Variants in MLIP observed in about 807,000 individuals in gnomAD.
MLIP encodes the protein muscular LMNA interacting protein, also known as muscular LMNA-interacting protein.
MLIP carries 79 observed loss-of-function variants against 84.8 expected under a neutral mutation model. The observed-to-expected ratio is 0.93, with a 90% CI of 0.78 to 1.12. The LOEUF (loss-of-function observed/expected upper bound fraction) is 1.12. Among genes scored for constraint, MLIP ranks in the 50% most tolerant of loss-of-function variants. MLIP has a pLI of 0.00. For missense variants in MLIP, 1,257 were observed against 1,160.6 expected, an observed-to-expected ratio of 1.08 and a Z score of -1.21; for synonymous variants, 504 against 463.0, an observed-to-expected ratio of 1.09 and a Z score of -1.14.
chr6:54,020,616 C>A (rs556942503), intron 1 of MLIP, among the ~76,000 whole-genome samples: 4 of 152,198 alleles, frequency 2.6e-5, no homozygotes, highest in African/African-American at 9.6e-5. Context: ...TCTTCTTATT[C>A]GAAGTGATTC....
intron 11 of MLIP, among the ~76,000 whole-genome samples, chr6:54,221,746 C>A (rs1412567428): frequency 1.3e-5 from 2 of 151,874 alleles, no homozygotes; most frequent in Non-Finnish European, 2.9e-5. Context: ...AGTAGATCAT[C>A]TCGAGTAAAT....
chr6:54,136,712 T>C lies in MLIP; in HGVS notation c.646-3T>C, dbSNP rs1333896642. ...TCAATCTGTCTATTTCTCTTTCCTCTAGTTAACTTCTTCTCCCACTACCTC... is the reference window on the plus strand; with the variant it reads ...TCAATCTGTCTATTTCTCTTTCCTCCAGTTAACTTCTTCTCCCACTACCTC... On this transcript the variant is annotated splice_polypyrimidine_tract_variant and splice_region_variant and intron_variant, in intron 3 of 13. Coordinates refer to ENST00000502396, the MANE Select transcript of MLIP (RefSeq NM_001281747.2). 1 of 1,468,254 alleles carries C rather than the reference T, an allele frequency of 6.8e-7. No homozygotes were observed. Among genetic ancestry groups the C allele is most frequent in the Non-Finnish European group, 9.0e-7 (1 of 1,109,242 alleles). 91.0% of individuals were successfully genotyped at this position (1,468,254 alleles called of 1,614,324 possible).
intron 13 of MLIP, among the ~76,000 whole-genome samples, chr6:54,258,995 A>T (rs1320969206): frequency 4.0e-5 from 6 of 149,216 alleles, no homozygotes; most frequent in East Asian, 1.9e-4. Flanking sequence ...TATCTATATG[A>T]TCTAATTCTT....
Position 54,064,111 on chromosome 6 carries a change from A to G in MLIP, c.63+45020A>G. Reference sequence around the variant, plus strand: ...ATGTATGGGAATAATTTTGACTTAAAATTAAGAGACTGAGAAATGATAGAC... The same window carrying G: ...ATGTATGGGAATAATTTTGACTTAAGATTAAGAGACTGAGAAATGATAGAC... On this transcript the variant is annotated intron_variant, in intron 1 of 12. Transcript: ENST00000274897. Among the ~76,000 whole-genome samples the G allele has an allele frequency of 2.0e-5, 2 of 99,942 alleles. 1 individual carries two copies. The highest frequency in any genetic ancestry group is 5.8e-5 in the Non-Finnish European group (2 of 34,750). 65.6% of individuals were successfully genotyped at this position (99,942 alleles called of 152,430 possible). A position where few individuals can be genotyped will look rare whatever the true frequency, so the allele number is the denominator to read the frequency against.
At chr6:54,026,755 G>A (rs1763828258) in intron 1 of MLIP, among the ~76,000 whole-genome samples, 1 of 151,174 alleles carries the variant, frequency 6.6e-6, no homozygotes, top group African/African-American at 2.4e-5. Context: ...ATGGTGACAA[G>A]GATTCTTATT....
chr6:54,100,715 A>G lies in MLIP; in HGVS notation c.64-20732A>G, dbSNP rs182287571. The stretch of plus-strand genomic sequence containing the variant: ...AGGCACACAACCATTCATTCATTCA[A>G]CAAATATATATTGAGCATCTACTAA... On this transcript the variant is annotated intron_variant, in intron 1 of 12. Transcript: ENST00000274897. Among the ~76,000 whole-genome samples the G allele has an allele frequency of 1.2e-4, 19 of 152,254 alleles. No individual in the cohort carries two copies. The East Asian group carries it at 3.7e-3, about 29-fold the overall frequency.
chr6:54,186,214 CAAT>C (rs1308820581), intron 9 of MLIP, among the ~76,000 whole-genome samples: 1 of 152,112 alleles, frequency 6.6e-6, no homozygotes, highest in Non-Finnish European at 1.5e-5. Context: ...GAGATTAAAA[CAAT>C]AATGATACAT....
At chr6:54,089,194 T>A (rs1767697283) in intron 1 of MLIP, among the ~76,000 whole-genome samples, 1 of 152,200 alleles carries the variant, frequency 6.6e-6, no homozygotes, top group Non-Finnish European at 1.5e-5. Flanking sequence ...TTTGTAGACA[T>A]TCTCTACATA....
intron 11 of MLIP, among the ~76,000 whole-genome samples, chr6:54,219,184 G>C (rs1256764736): frequency 4.6e-5 from 7 of 151,088 alleles, no homozygotes; most frequent in Non-Finnish European, 1.0e-4. Context: ...CCAGCCTGGG[G>C]ACAGAGCGAG....
chr6:54,059,778 A>T (rs1354567937), intron 1 of MLIP, among the ~76,000 whole-genome samples: 1 of 152,174 alleles, frequency 6.6e-6, no homozygotes, highest in Non-Finnish European at 1.5e-5. Flanking sequence ...TGGATATGTA[A>T]AGAGAAAAAG....
intron 4 of MLIP, among the ~76,000 whole-genome samples, chr6:54,140,064 A>G (rs1344113693): frequency 6.6e-6 from 1 of 152,138 alleles, no homozygotes; most frequent in African/African-American, 2.4e-5. Flanking sequence ...TTAAATACAT[A>G]TATGTGATTA....
At chr6:54,158,382 A>G (rs1774264827) in intron 5 of MLIP, among the ~76,000 whole-genome samples, 1 of 152,166 alleles carries the variant, frequency 6.6e-6, no homozygotes, top group Non-Finnish European at 1.5e-5. Context: ...TATATATTCA[A>G]GCGACGATAT....
At chr6:54,194,578 T>G (rs1394955617) in intron 10 of MLIP, among the ~76,000 whole-genome samples, 1 of 152,164 alleles carries the variant, frequency 6.6e-6, no homozygotes, top group African/African-American at 2.4e-5. Flanking sequence ...ACACATCAAG[T>G]AGGTACTTTT....
chr6:54,140,001 T>A (rs1299606653), intron 4 of MLIP, among the ~76,000 whole-genome samples: 2 of 152,172 alleles, frequency 1.3e-5, no homozygotes, highest in Non-Finnish European at 2.9e-5. Context: ...TTTTCTGTGA[T>A]TCTCAATTGA....
At chr6:54,087,853 T>G (rs1264848293) in intron 1 of MLIP, among the ~76,000 whole-genome samples, 1 of 152,020 alleles carries the variant, frequency 6.6e-6, no homozygotes, top group African/African-American at 2.4e-5. Flanking sequence ...TTTGAGATTC[T>G]TGCTCTTTGC....
intron 9 of MLIP, among the ~76,000 whole-genome samples, chr6:54,175,816 TAAAAG>T (rs1265326360): frequency 6.6e-6 from 1 of 152,006 alleles, no homozygotes; most frequent in Non-Finnish European, 1.5e-5. Flanking sequence ...TTCCAGATCT[TAAAAG>T]AAAAGCTTTC....
chr6:54,129,214 C>A (rs1771178524), intron 3 of MLIP, among the ~76,000 whole-genome samples: 1 of 152,016 alleles, frequency 6.6e-6, no homozygotes, highest in Non-Finnish European at 1.5e-5. Context: ...CCTCCATATA[C>A]CCCCAGGCCT....
chr6:54,208,723 C>G (rs765942462), intron 11 of MLIP, among the ~76,000 whole-genome samples: 17 of 152,186 alleles, frequency 1.1e-4, no homozygotes, highest in Non-Finnish European at 1.8e-4. Flanking sequence ...TGGTAACAAT[C>G]ACATACCTTT....
intron 11 of MLIP, among the ~76,000 whole-genome samples, chr6:54,218,948 A>G (rs565160789): frequency 3.4e-4 from 52 of 152,144 alleles, no homozygotes; most frequent in Middle Eastern, 3.4e-3. Flanking sequence ...TCACACCTGT[A>G]ATCCCAGCAC....
Sources: allele counts gnomAD v4.1 joint callset (sites outside exome capture counted in the v4.1 genomes callset), GRCh38; gene constraint gnomAD v4.1.1; transcripts MANE v1.5; gene names NCBI Gene and HGNC (gene_info 2026-07-23, HGNC 2026-07-21).